RBM20: variants seen among roughly 807,000 people sequenced by gnomAD.
RBM20 encodes RNA binding motif protein 20.
Under a neutral mutation model 110.1 loss-of-function variants are expected in RBM20, and 51 were observed. The ratio of observed to expected loss-of-function variants is 0.46; its 90% CI spans 0.37 to 0.59. The LOEUF (loss-of-function observed/expected upper bound fraction) is 0.59. Among genes scored for constraint, RBM20 ranks in the 20% least tolerant of loss-of-function variants. The pLI, the probability that RBM20 is intolerant of heterozygous loss-of-function variation, is 0.00. For synonymous variants in RBM20, 589 were observed against 618.2 expected (o/e 0.95, Z 0.70); for missense variants, 1,512 against 1,574.9 (o/e 0.96, Z 0.68).
intron 7 of RBM20, among the ~76,000 whole-genome samples, chr10:110,801,623 C>T (rs1039820342): frequency 4.0e-5 from 6 of 151,816 alleles, no homozygotes; most frequent in Non-Finnish European, 8.8e-5. Context: ...CAATCTCCAC[C>T]TCCCAGGTTC....
intron 1 of RBM20, among the ~76,000 whole-genome samples, chr10:110,718,340 C>T (rs753681188): frequency 5.3e-5 from 8 of 152,160 alleles, no homozygotes; most frequent in Non-Finnish European, 1.2e-4. Context: ...CCTTAGAAGA[C>T]CAAGTACTCA....
intron 1 of RBM20, among the ~76,000 whole-genome samples, chr10:110,775,084 G>A (rs1844243807): frequency 6.6e-6 from 1 of 152,196 alleles, no homozygotes; most frequent in South Asian, 2.1e-4. Context: ...GTTGACACTA[G>A]CAGAATGTGT....
intron 1 of RBM20, among the ~76,000 whole-genome samples, chr10:110,771,154 GT>G (rs768761087): frequency 2.0e-5 from 3 of 151,602 alleles, no homozygotes; most frequent in African/African-American, 7.3e-5. Context: ...TTTTTTTTTG[GT>G]TTTTTTTGTG....
intron 7 of RBM20, among the ~76,000 whole-genome samples, chr10:110,809,757 A>G (rs1844741732): frequency 6.6e-6 from 1 of 152,172 alleles, no homozygotes; most frequent in Non-Finnish European, 1.5e-5. Context: ...AGAGCATGGA[A>G]AGCATGGAAA....
intron 1 of RBM20, among the ~76,000 whole-genome samples, chr10:110,655,575 T>G (rs1862010885): frequency 6.6e-6 from 1 of 152,368 alleles, no homozygotes; most frequent in African/African-American, 2.4e-5. Flanking sequence ...TCTGCAATGA[T>G]TAAAGTGTCC....
intron 1 of RBM20, among the ~76,000 whole-genome samples, chr10:110,662,093 G>A (rs1051777909): frequency 6.6e-6 from 1 of 152,106 alleles, no homozygotes; most frequent in African/African-American, 2.4e-5. Flanking sequence ...GCTCAAGGGA[G>A]ATGATCTTCA....
rs1242808525 is a variant in RBM20 at position 110,780,898 on chromosome 10, C to T, written c.289C>T (p.Gln97Ter). Residue 97 changes from glutamine (Q) to a stop codon, truncating the protein, a stop_gained, in exon 2 of 14, where the codon CAG (glutamine) becomes TAG (stop). Coordinates refer to ENST00000369519, the MANE Select transcript of RBM20 (RefSeq NM_001134363.3). LOFTEE classifies it high-confidence loss of function. ...ASLQLAQLQA[Q>*]LTLHRLKLAQ... ...TCTCCAGCTGGCTCAACTGCAGGCC[C>T]AGCTCACCCTCCACCGGCTGAAGCT... is the stretch of plus-strand genomic sequence containing the variant. 6.4e-7 allele frequency: 1 copy of T among 1,551,482 alleles called. No homozygotes were observed. The highest frequency in any genetic ancestry group is 8.7e-7 in the Non-Finnish European group (1 of 1,146,742).
At chr10:110,823,452 T>TCTTTGTTTTTG in intron 11 of RBM20, 28 bp from the exon 12 acceptor site, 1 of 898,992 alleles carries the variant, frequency 1.1e-6, no homozygotes, top group Non-Finnish European at 1.4e-6. Flanking sequence ...TTTTTTTTTT[T>TCTTTGTTTTTG]TTTTTTGCCT....
intron 1 of RBM20, among the ~76,000 whole-genome samples, chr10:110,716,865 C>T (rs564914400): frequency 2.0e-5 from 3 of 149,426 alleles, no homozygotes; most frequent in East Asian, 3.9e-4. Context: ...TGCAGTGAGC[C>T]GAGATCGTGC....
intron 1 of RBM20, among the ~76,000 whole-genome samples, chr10:110,692,417 G>GAGT (rs1368997345): frequency 6.6e-6 from 1 of 152,036 alleles, no homozygotes; most frequent in Non-Finnish European, 1.5e-5. Context: ...TATCTTCTTT[G>GAGT]AGTTTATTCA....
chr10:110,767,578 G>T (rs183341344), intron 1 of RBM20, among the ~76,000 whole-genome samples: 1 of 151,026 alleles, frequency 6.6e-6, no homozygotes, highest in African/African-American at 2.4e-5. Context: ...CAGACGGGGC[G>T]GTTGCCAGAC....
rs1243243290 is a variant in RBM20 at position 110,781,830 on chromosome 10, C to A, written c.1221C>A (p.Pro407=). The A allele has an allele frequency of 3.2e-6, 5 of 1,551,784 alleles. No homozygotes were observed. The East Asian group carries it at 1.2e-4, about 38-fold the overall frequency. ...HELNDFHGVA[P]LHLPHICSIC... ...TGAACGACTTTCACGGTGTGGCCCC[C>A]CTCCACTTGCCGCATATCTGTAGCA... is the stretch of plus-strand genomic sequence containing the variant. The change falls in exon 2 of 14, where the codon CCC becomes CCA. Residue 407 remains proline (P), a synonymous_variant. Transcript: ENST00000369519.
At chr10:110,768,118 C>T (rs1387774552) in intron 1 of RBM20, among the ~76,000 whole-genome samples, 1 of 152,246 alleles carries the variant, frequency 6.6e-6, no homozygotes, top group Non-Finnish European at 1.5e-5. Flanking sequence ...CAATCGCAGG[C>T]ACTCGGCAGG....
intron 9 of RBM20, among the ~76,000 whole-genome samples, chr10:110,814,194 A>T (rs1012133063): frequency 1.3e-5 from 2 of 152,254 alleles, no homozygotes; most frequent in Non-Finnish European, 1.5e-5. Context: ...ATGCTACTTC[A>T]GCATTCATTC....
chr10:110,738,706 G>A (rs940909154), intron 1 of RBM20, among the ~76,000 whole-genome samples: 14 of 152,088 alleles, frequency 9.2e-5, no homozygotes, highest in Non-Finnish European at 1.5e-4. Flanking sequence ...ACCAGGGTAC[G>A]GTGAGGGAGA....
chr10:110,785,830 A>G (rs1844412583), intron 5 of RBM20, among the ~76,000 whole-genome samples: 1 of 152,058 alleles, frequency 6.6e-6, no homozygotes, highest in South Asian at 2.1e-4. Context: ...GGAGCTTTTT[A>G]TGTTTTTTTA....
At chr10:110,827,014 T>C (rs1844990283) in intron 12 of RBM20, among the ~76,000 whole-genome samples, 1 of 152,202 alleles carries the variant, frequency 6.6e-6, no homozygotes, top group South Asian at 2.1e-4. Flanking sequence ...CTTTACAGAT[T>C]GTATTTGTTA....
Position 110,739,748 on chromosome 10 carries a change from G to A in RBM20, c.192-41053G>A, listed in dbSNP as rs1023422070. Among the ~76,000 whole-genome samples, 9 of 152,214 alleles carry A rather than the reference G, an allele frequency of 5.9e-5. No individual in the cohort carries two copies. The highest frequency in any genetic ancestry group is 2.6e-4 in the Admixed American group (4 of 15,282). The stretch of plus-strand genomic sequence containing the variant: ...TGGGTATTAATAGTTCCCACCTGCA[G>A]GACTGAACTGTGGAAATGCACTGAG... On this transcript the variant is annotated intron_variant, in intron 1 of 13. Transcript: ENST00000369519. This position sits in a 1 kb window ranked among gnomAD's most constrained non-coding sequence, Gnocchi z 4.1.
At chr10:110,759,599 C>A (rs1449954849) in intron 1 of RBM20, among the ~76,000 whole-genome samples, 3 of 152,160 alleles carry the variant, frequency 2.0e-5, no homozygotes, top group African/African-American at 7.2e-5. Flanking sequence ...ACTGGCTAGT[C>A]CCAGCAGGGG....
Sources: gnomAD v4.1 joint callset for allele counts (sites outside exome capture counted in the v4.1 genomes callset) on GRCh38, gnomAD v4.1.1 for gene constraint, Gnocchi (gnomAD v3.1) non-coding constraint, MANE v1.5 for transcripts, NCBI Gene and HGNC (gene_info 2026-07-23, HGNC 2026-07-21) for gene names.